SDK1: variants seen among roughly 807,000 people sequenced by gnomAD.
The protein encoded by SDK1 is protein sidekick-1.
SDK1 carries 157 observed loss-of-function variants against 245.5 expected under a neutral mutation model. That is an observed-to-expected ratio of 0.64 (90% CI 0.56 to 0.73). The LOEUF is 0.73. Ranked by LOEUF, SDK1 falls within the 30% of genes least tolerant of loss-of-function variation. SDK1 has a pLI of 0.00. For missense variants in SDK1, 3,583 were observed against 3,002.3 expected, an observed-to-expected ratio of 1.19 and a Z score of -4.52; for synonymous variants, 1,647 against 1,278.5, an observed-to-expected ratio of 1.29 and a Z score of -6.15.
chr7:4,016,800 G>T (rs969968805), intron 16 of SDK1, among the ~76,000 whole-genome samples: 1 of 152,142 alleles, frequency 6.6e-6, no homozygotes, highest in African/African-American at 2.4e-5. Flanking sequence ...CCACGTTTCA[G>T]ACTCACAAGA....
At chr7:3,715,203 A>C (rs1785165305) in intron 4 of SDK1, among the ~76,000 whole-genome samples, 1 of 152,228 alleles carries the variant, frequency 6.6e-6, no homozygotes, top group Non-Finnish European at 1.5e-5. Flanking sequence ...CTAGATCGTC[A>C]TAAATTGTAC....
intron 40 of SDK1, chr7:4,227,452 A>C: frequency 2.1e-6 from 1 of 470,742 alleles, no homozygotes. Flanking sequence ...AATCAGATGT[A>C]TTTAGCCTCA....
At chr7:4,073,567 A>C (rs1376410054) in intron 20 of SDK1, among the ~76,000 whole-genome samples, 1 of 152,214 alleles carries the variant, frequency 6.6e-6, no homozygotes, top group African/African-American at 2.4e-5. Context: ...GCTTTTAAAC[A>C]AATAAAATTT....
rs746084034 is a variant in SDK1, at chr7:4,265,252, C to T, written c.6510C>T (p.Tyr2170=). 4.4e-6 allele frequency: 7 copies of T among 1,603,708 alleles called. No individual in the cohort carries two copies. Among genetic ancestry groups the T allele is most frequent in the East Asian group, 4.5e-5 (2 of 44,764 alleles). ...AQGRAPAPHR[Y]EAVAGSEAGA... ...GCCGCGCACCTGCGCCGCACAGGTA[C>T]GAGGCGGTGGCGGGCTCCGAGGCGG... Residue 2170 remains tyrosine, a synonymous_variant, in exon 45 of 45, where the codon TAC becomes TAT. Transcript: ENST00000404826.
At chr7:4,131,052 C>G (rs1250799829) in intron 27 of SDK1, among the ~76,000 whole-genome samples, 4 of 152,194 alleles carry the variant, frequency 2.6e-5, no homozygotes, top group African/African-American at 9.7e-5. Context: ...TTCCCTGACA[C>G]AAGGTCTCAG....
intron 4 of SDK1, among the ~76,000 whole-genome samples, chr7:3,802,042 T>C (rs1779119372): frequency 1.3e-5 from 2 of 152,362 alleles, no homozygotes; most frequent in African/African-American, 4.8e-5. Flanking sequence ...ACTGTGAAAC[T>C]GTACTTAATT....
chr7:3,368,708 C>G (rs995299820), intron 1 of SDK1, among the ~76,000 whole-genome samples: 10 of 152,174 alleles, frequency 6.6e-5, no homozygotes, highest in Admixed American at 2.0e-4. Context: ...CATCAGGACA[C>G]TGTCTGTGCC....
At chr7:3,888,833 A>G (rs1229873938) in intron 5 of SDK1, among the ~76,000 whole-genome samples, 8 of 152,172 alleles carry the variant, frequency 5.3e-5, no homozygotes, top group Non-Finnish European at 1.2e-4. Flanking sequence ...CTTTTGACTC[A>G]TTCTCGTATT....
intron 18 of SDK1, among the ~76,000 whole-genome samples, chr7:4,050,695 A>G (rs1789384455): frequency 6.6e-6 from 1 of 152,108 alleles, no homozygotes; most frequent in South Asian, 2.1e-4. Flanking sequence ...CTAGTGTGAT[A>G]TAAATTATAA....
At chr7:3,585,950 T>C (rs1583197250) in intron 1 of SDK1, among the ~76,000 whole-genome samples, 2 of 152,334 alleles carry the variant, frequency 1.3e-5, no homozygotes, top group East Asian at 3.9e-4. Context: ...ACACAGTATG[T>C]GGCTCTTTGT....
Position 3,781,730 on chromosome 7 carries a change from A to T in SDK1, c.714-39720A>T, listed in dbSNP as rs185258471. On this transcript the variant is annotated intron_variant, in intron 4 of 44. Transcript: ENST00000404826. ...AAATTTGACCAAAAATAGAAACAAT[A>T]AAAAAAAACAAATCTTAGAGATGAA... Among the ~76,000 whole-genome samples, 827 of 150,986 alleles carry T rather than the reference A, an allele frequency of 5.5e-3. 9 individuals are homozygous for T. Among genetic ancestry groups the T allele is most frequent in the African/African-American group, 0.019 (794 of 41,246 alleles).
rs553282361 is a variant in SDK1, at chr7:4,265,033, G to C, written c.6382-91G>C. On this transcript the variant is annotated intron_variant, in intron 44 of 44. Transcript: ENST00000404826. Reference sequence around the variant, plus strand: ...TGGAGACCGCGACACACGCCCCTGGGGAGGTGCCCCCACCGCCAGGCCTCC... The same window carrying C: ...TGGAGACCGCGACACACGCCCCTGGCGAGGTGCCCCCACCGCCAGGCCTCC... 11 of 1,526,050 alleles carry C rather than the reference G, an allele frequency of 7.2e-6. No homozygotes were observed. The African/African-American group carries it at 1.2e-4, about 17-fold the overall frequency. 94.5% of individuals were successfully genotyped at this position (1,526,050 alleles called of 1,614,324 possible). A position where few individuals can be genotyped will look rare whatever the true frequency, so the allele number is the denominator to read the frequency against.
At chr7:3,665,428 C>T (rs1390673908) in intron 4 of SDK1, among the ~76,000 whole-genome samples, 1 of 151,302 alleles carries the variant, frequency 6.6e-6, no homozygotes, top group African/African-American at 2.4e-5. Context: ...TGCCTTATAT[C>T]ACATTTTGCA....
chr7:3,487,856 G>A (rs559315866), intron 1 of SDK1, among the ~76,000 whole-genome samples: 1 of 152,114 alleles, frequency 6.6e-6, no homozygotes, highest in East Asian at 1.9e-4. Flanking sequence ...TACAAGCGGA[G>A]GGTGTTGAGC....
At chr7:3,391,798 T>A (rs777869101) in intron 1 of SDK1, among the ~76,000 whole-genome samples, 2 of 151,764 alleles carry the variant, frequency 1.3e-5, no homozygotes, top group South Asian at 2.1e-4. Context: ...TGGCTAATTT[T>A]TGTATTTTTT....
chr7:4,078,400 T>G (rs1267349743), intron 21 of SDK1, among the ~76,000 whole-genome samples: 2 of 152,118 alleles, frequency 1.3e-5, no homozygotes, highest in Non-Finnish European at 2.9e-5. Flanking sequence ...GTCCTTCAAT[T>G]TAAACATTTT....
intron 35 of SDK1, among the ~76,000 whole-genome samples, chr7:4,193,361 T>C (rs990726464): frequency 2.8e-4 from 27 of 95,046 alleles, no homozygotes; most frequent in African/African-American, 8.4e-4. Flanking sequence ...TATTTATATA[T>C]ATTAAAATAT....
intron 1 of SDK1, among the ~76,000 whole-genome samples, chr7:3,442,074 G>A (rs1780212212): frequency 6.6e-6 from 1 of 152,264 alleles, no homozygotes; most frequent in African/African-American, 2.4e-5. Context: ...CCTGCCAGAT[G>A]GTGGGCATTT....
intron 1 of SDK1, among the ~76,000 whole-genome samples, chr7:3,473,317 G>C (rs1204130639): frequency 2.6e-5 from 4 of 152,164 alleles, no homozygotes; most frequent in Non-Finnish European, 2.9e-5. Flanking sequence ...GAATCAATTA[G>C]AAGAACAGGT....
Sources: gnomAD v4.1 joint callset for allele counts (sites outside exome capture counted in the v4.1 genomes callset) on GRCh38, gnomAD v4.1.1 for gene constraint, MANE v1.5 for transcripts, NCBI Gene and HGNC (gene_info 2026-07-23, HGNC 2026-07-21) for gene names.